Variants in IL18R1 observed in about 807,000 individuals in gnomAD.
The protein encoded by IL18R1 is interleukin 18 receptor 1, also known as interleukin-18 receptor 1.
In IL18R1, 40 loss-of-function variants were observed where a neutral mutation model predicts 48.5. The ratio of observed to expected loss-of-function variants is 0.82; its 90% CI spans 0.64 to 1.07. The LOEUF is 1.07. Ranked by LOEUF, IL18R1 falls within the 50% of genes least tolerant of loss-of-function variation. The pLI is 0.00. For synonymous variants in IL18R1, 232 were observed against 225.9 expected, an observed-to-expected ratio of 1.03 and a Z score of -0.24; for missense variants, 596 against 633.7, an observed-to-expected ratio of 0.94 and a Z score of 0.64.
chr2:102,383,117 C>A (rs1043502619), intron 6 of IL18R1, among the ~76,000 whole-genome samples: 12 of 152,114 alleles, frequency 7.9e-5, no homozygotes, highest in African/African-American at 2.9e-4. Context: ...GTCTCTTATT[C>A]ATGTCCAGTT....
In IL18R1 at chr2:102,356,261, T is replaced by G. The variant is rs1678242471; in HGVS notation, c.-168T>G. ...GGTGCCTTATCTCTTTAATCACACC[T>G]CTCTTTCACTTTCCACGGTAGTCAG... On this transcript the variant is annotated 5_prime_UTR_variant, in exon 1 of 11. Coordinates refer to ENST00000233957, the MANE Select transcript of IL18R1 (RefSeq NM_003855.5). 1.5e-5 allele frequency: 10 copies of G among 686,922 alleles called. No individual in the cohort carries two copies. The highest frequency in any genetic ancestry group is 7.1e-4 in the Middle Eastern group (1 of 1,412). 42.6% of individuals were successfully genotyped at this position (686,922 alleles called of 1,614,324 possible).
rs146387751 is a variant in IL18R1, at chr2:102,394,149, A to G, written c.1112-320A>G. 2.4e-3 allele frequency among the ~76,000 whole-genome samples: 362 copies of G among 151,930 alleles called. 2 individuals are homozygous for G. The highest frequency in any genetic ancestry group is 8.3e-3 in the African/African-American group (344 of 41,422). Reference sequence around the variant, plus strand: ...TAAACCAGGGTGAGATTTTCTTTCCACTCCTGGAATGAGGACACCTTTGGG... The same window carrying G: ...TAAACCAGGGTGAGATTTTCTTTCCGCTCCTGGAATGAGGACACCTTTGGG... On this transcript the variant is annotated intron_variant, in intron 9 of 10. Transcript: ENST00000233957.
intron 3 of IL18R1, 113 bp downstream of exon 3, chr2:102,368,181 C>T (rs1679027244): frequency 8.8e-7 from 1 of 1,140,914 alleles, no homozygotes; most frequent in African/African-American, 1.5e-5. Context: ...CTTTTCTTTC[C>T]TACTCTTCCT....
chr2:102,360,192 A>G (rs373007217), intron 1 of IL18R1, among the ~76,000 whole-genome samples: 1 of 152,222 alleles, frequency 6.6e-6, no homozygotes, highest in Non-Finnish European at 1.5e-5. Flanking sequence ...TGGTTTTAAC[A>G]AAGAGTTTTG....
intron 3 of IL18R1, 83 bp downstream of exon 3, chr2:102,368,151 G>A (rs1051300826): frequency 4.1e-6 from 6 of 1,461,392 alleles, no homozygotes; most frequent in Non-Finnish European, 5.7e-6. Context: ...TAATCTGAAA[G>A]GTCAGATAAT....
intron 2 of IL18R1, among the ~76,000 whole-genome samples, chr2:102,364,811 GA>G (rs1462140062): frequency 6.6e-6 from 1 of 152,112 alleles, no homozygotes; most frequent in African/African-American, 2.4e-5. Context: ...GGAAGGGGAA[GA>G]AAACATATCC....
chr2:102,379,537 C>G (rs1679799174), intron 5 of IL18R1, among the ~76,000 whole-genome samples: 1 of 151,290 alleles, frequency 6.6e-6, no homozygotes, highest in African/African-American at 2.4e-5. Flanking sequence ...GTTCTAGAAG[C>G]ATGGACAGCC....
At chr2:102,385,719 T>A (rs1026167192) in intron 7 of IL18R1, among the ~76,000 whole-genome samples, 50 of 152,320 alleles carry the variant, frequency 3.3e-4, no homozygotes, top group African/African-American at 1.2e-3. Context: ...CACCACAAAG[T>A]CTGGCTTCTT....
At chr2:102,368,907 A>G (rs1290320428) in intron 3 of IL18R1, among the ~76,000 whole-genome samples, 1 of 152,164 alleles carries the variant, frequency 6.6e-6, no homozygotes, top group East Asian at 1.9e-4. Context: ...ATCATTATCA[A>G]CCATGCTGTT....
intron 2 of IL18R1, 67 bp from the exon 3 acceptor site, chr2:102,367,758 C>A: frequency 2.0e-6 from 3 of 1,463,606 alleles, no homozygotes; most frequent in Non-Finnish European, 2.8e-6. Flanking sequence ...CATTAGGAGA[C>A]CAAAAAAAGT....
intron 9 of IL18R1, among the ~76,000 whole-genome samples, chr2:102,390,589 A>T (rs563773351): frequency 1.3e-5 from 2 of 152,248 alleles, no homozygotes; most frequent in Non-Finnish European, 2.9e-5. Flanking sequence ...GAATTGTCCT[A>T]TCGCTCATTA....
Position 102,367,963 on chromosome 2 carries a change from T to C in IL18R1, c.197T>C (p.Val66Ala). 6.2e-7 allele frequency: 1 copy of C among 1,614,250 alleles called. No individual in the cohort carries two copies. The highest frequency in any genetic ancestry group is 2.2e-5 in the East Asian group (1 of 44,886). The change falls in exon 3 of 11, where the codon GTG becomes GCG. Residue 66 changes from valine to alanine, a missense_variant. Coordinates refer to ENST00000233957, the MANE Select transcript of IL18R1 (RefSeq NM_003855.5). The stretch of plus-strand genomic sequence containing the variant: ...AAAAGCAGTGGATCACAGGAACATG[T>C]GGAGCTGAACCCAAGGAGTTCCTCG... The part of the protein sequence containing the change: ...WYKSSGSQEH[V>A]ELNPRSSSRI...
chr2:102,382,091 G>A lies in IL18R1; in HGVS notation c.688+409G>A, dbSNP rs1573216417. Reference sequence around the variant, plus strand: ...AGTTTGAGACCAACCTGACCAGCACGGTGAAACCCCATCTCTACTAAAAAT... The same window carrying A: ...AGTTTGAGACCAACCTGACCAGCACAGTGAAACCCCATCTCTACTAAAAAT... On this transcript the variant is annotated intron_variant, in intron 6 of 10. Coordinates refer to ENST00000233957, the MANE Select transcript of IL18R1 (RefSeq NM_003855.5). Among the ~76,000 whole-genome samples the A allele has an allele frequency of 2.6e-5, 4 of 152,098 alleles. No individual in the cohort carries two copies. The South Asian group carries it at 6.2e-4, about 24-fold the overall frequency.
chr2:102,384,932 A>T lies in IL18R1; in HGVS notation c.743A>T (p.Tyr248Phe), dbSNP rs1197397721. The change falls in exon 7 of 11, where the codon TAT becomes TTT. Residue 248 changes from tyrosine (Y) to phenylalanine (F), a missense_variant. This residue lies in a region of IL18R1 where 360 missense variants were observed against 339.4 expected (regional missense o/e 1.06). Transcript: ENST00000233957. Reference protein sequence around the residue: ...SALLNEEDVIYWMFGEENGSD... With the variant: ...SALLNEEDVIFWMFGEENGSD... ...TTGCTGAATGAAGAGGATGTAATTTATTGGATGTTCGGGGAAGAAAATGGA... is the reference window on the plus strand; with the variant it reads ...TTGCTGAATGAAGAGGATGTAATTTTTTGGATGTTCGGGGAAGAAAATGGA... 6.2e-7 allele frequency: 1 copy of T among 1,610,898 alleles called. No individual in the cohort carries two copies. The highest frequency in any genetic ancestry group is 8.5e-7 in the Non-Finnish European group (1 of 1,177,326).
At chr2:102,362,320 G>A (rs566154342) in intron 1 of IL18R1, among the ~76,000 whole-genome samples, 1 of 152,206 alleles carries the variant, frequency 6.6e-6, no homozygotes, top group Non-Finnish European at 1.5e-5. Context: ...AATATTTGTA[G>A]CAGTACTATT....
chr2:102,393,848 T>C (rs1430435236), intron 9 of IL18R1, among the ~76,000 whole-genome samples: 1 of 152,210 alleles, frequency 6.6e-6, no homozygotes. Flanking sequence ...CACTCTTTAT[T>C]CTCTGGCCAG....
intron 6 of IL18R1, among the ~76,000 whole-genome samples, chr2:102,383,909 T>A (rs915297935): frequency 6.6e-6 from 1 of 152,260 alleles, no homozygotes; most frequent in African/African-American, 2.4e-5. Flanking sequence ...CAGTTTTTAA[T>A]CTGCTAAATT....
intron 3 of IL18R1, among the ~76,000 whole-genome samples, chr2:102,368,686 A>G (rs1272952849): frequency 6.6e-6 from 1 of 152,170 alleles, no homozygotes; most frequent in Non-Finnish European, 1.5e-5. Context: ...TGGGTTGCAT[A>G]ACTTCCATGA....
chr2:102,386,746 G>A (rs751027545), intron 7 of IL18R1, 115 bp from the exon 8 acceptor site: 126 of 1,039,252 alleles, frequency 1.2e-4, no homozygotes, highest in Non-Finnish European at 1.8e-4. Context: ...TGGCCAGAAA[G>A]GGAAGAAATA....
Sources: allele counts gnomAD v4.1 joint callset (sites outside exome capture counted in the v4.1 genomes callset), GRCh38; gene constraint gnomAD v4.1.1; regional missense constraint gnomAD v4.1.1; transcripts MANE v1.5; gene names NCBI Gene and HGNC (gene_info 2026-07-23, HGNC 2026-07-21).